Variants in STK38L observed in about 807,000 individuals in gnomAD.
STK38L encodes the protein serine/threonine kinase 38 like, also known as serine/threonine-protein kinase 38-like.
In STK38L, 28 loss-of-function variants were observed where a neutral mutation model predicts 59.7. The observed-to-expected ratio is 0.47, with a 90% CI of 0.35 to 0.64. STK38L has a LOEUF of 0.64. Ranked by LOEUF, STK38L falls within the 30% of genes least tolerant of loss-of-function variation. The probability of loss-of-function intolerance (pLI) is 0.01; values close to 1 mark genes in which losing one functional copy is unlikely to be tolerated. For synonymous variants in STK38L, 162 were observed against 176.8 expected (o/e 0.92, Z 0.66); for missense variants, 314 against 555.8 (o/e 0.56, Z 4.37).
chr12:27,275,871 T>C lies in STK38L; in HGVS notation c.-11-21839T>C, dbSNP rs144197837. Among the ~76,000 whole-genome samples the C allele has an allele frequency of 2.3e-3, 355 of 152,308 alleles. 1 individual carries two copies. The highest frequency in any genetic ancestry group is 8.0e-3 in the African/African-American group (334 of 41,560). On this transcript the variant is annotated intron_variant, in intron 1 of 13. Transcript: ENST00000389032. Reference sequence around the variant, plus strand: ...AGTTTTATAAATCCAATAATCATGATATGGCTAAAGGGAACATAGATATCT... The same window carrying C: ...AGTTTTATAAATCCAATAATCATGACATGGCTAAAGGGAACATAGATATCT...
intron 1 of STK38L, among the ~76,000 whole-genome samples, chr12:27,284,781 AGTAAGCTGTTCAG>A (rs1389003827): frequency 2.0e-5 from 3 of 152,214 alleles, no homozygotes; most frequent in Non-Finnish European, 4.4e-5. Flanking sequence ...TTGCTTAGGT[AGTAAGCTGTTCAG>A]GTATTAATGA....
Position 27,315,126 on chromosome 12 carries a change from GGTT to G in STK38L, c.775+16_775+18del, listed in dbSNP as rs1302227447. 1.9e-6 allele frequency: 3 copies of G among 1,611,086 alleles called. No homozygotes were observed. The highest frequency in any genetic ancestry group is 2.2e-5 in the East Asian group (1 of 44,766). On this transcript the variant is annotated intron_variant, in intron 8 of 13. Transcript: ENST00000389032. ...CCCACCAAGTGACTTCTGTAAGTTT[GGTT>G]GTTGTTTTTCTTCTTTCCCCTGGTT...
chr12:27,302,400 T>C (rs2136641208), intron 3 of STK38L: 1 of 363,838 alleles, frequency 2.7e-6, no homozygotes, highest in Non-Finnish European at 5.0e-6. Context: ...TAAGAGAACA[T>C]TGCCAAGTGT....
intron 11 of STK38L, among the ~76,000 whole-genome samples, chr12:27,318,745 ACT>A (rs1360304672): frequency 2.0e-5 from 3 of 152,150 alleles, no homozygotes; most frequent in African/African-American, 7.2e-5. Flanking sequence ...GAATCCCAAC[ACT>A]CTGGGAGGCC....
At chr12:27,279,763 T>C (rs1442804823) in intron 1 of STK38L, among the ~76,000 whole-genome samples, 3 of 151,890 alleles carry the variant, frequency 2.0e-5, no homozygotes, top group Admixed American at 2.0e-4. Flanking sequence ...TGGTTGTTTT[T>C]CCACACGGTT....
intron 1 of STK38L, among the ~76,000 whole-genome samples, chr12:27,279,856 T>C (rs558725739): frequency 6.6e-6 from 1 of 152,150 alleles, no homozygotes; most frequent in South Asian, 2.1e-4. Flanking sequence ...AAAGGGAAGC[T>C]TACACATTTA....
intron 3 of STK38L, among the ~76,000 whole-genome samples, chr12:27,305,137 G>T (rs536874014): frequency 6.6e-6 from 1 of 152,298 alleles, no homozygotes; most frequent in South Asian, 2.1e-4. Flanking sequence ...TGTGGCCAAG[G>T]CCCTGTTTTT....
chr12:27,253,116 C>T (rs1033380999), intron 1 of STK38L, among the ~76,000 whole-genome samples: 7 of 152,156 alleles, frequency 4.6e-5, no homozygotes, highest in Non-Finnish European at 7.3e-5. Context: ...GGACATGCCA[C>T]GCAGAGGGAT....
At chr12:27,290,210 CA>C (rs1282651515) in intron 1 of STK38L, among the ~76,000 whole-genome samples, 1 of 152,164 alleles carries the variant, frequency 6.6e-6, no homozygotes, top group Non-Finnish European at 1.5e-5. Flanking sequence ...AGCATGCACA[CA>C]AGGTGGCTAT....
chr12:27,271,980 A>G (rs563531150), intron 1 of STK38L, among the ~76,000 whole-genome samples: 4 of 152,308 alleles, frequency 2.6e-5, no homozygotes, highest in East Asian at 1.9e-4. Flanking sequence ...GATTATAGGC[A>G]TGAGCCACCG....
intron 1 of STK38L, among the ~76,000 whole-genome samples, chr12:27,260,529 C>CT (rs1185440770): frequency 3.9e-5 from 6 of 152,144 alleles, no homozygotes; most frequent in Admixed American, 2.6e-4. Context: ...TCTCTGAACT[C>CT]TTTCTTACCA....
chr12:27,278,256 GCTGTCA>G (rs1381071961), intron 1 of STK38L, among the ~76,000 whole-genome samples: 1 of 152,186 alleles, frequency 6.6e-6, no homozygotes, highest in Non-Finnish European at 1.5e-5. Flanking sequence ...CTTCTGAATA[GCTGTCA>G]CTAAATTTTG....
chr12:27,266,827 T>C (rs1266018201), intron 1 of STK38L, among the ~76,000 whole-genome samples: 1 of 152,220 alleles, frequency 6.6e-6, no homozygotes, highest in Admixed American at 6.5e-5. Context: ...TGTTAACTGC[T>C]GTGTAAAAAA....
At chr12:27,245,153 A>G (rs143910723) in intron 1 of STK38L, among the ~76,000 whole-genome samples, 28 of 152,288 alleles carry the variant, frequency 1.8e-4, no homozygotes, top group African/African-American at 6.0e-4. Context: ...TGGAGGAATG[A>G]TATAAAAAGA....
At chr12:27,282,887 A>G (rs996065956) in intron 1 of STK38L, among the ~76,000 whole-genome samples, 1 of 152,200 alleles carries the variant, frequency 6.6e-6, no homozygotes, top group Non-Finnish European at 1.5e-5. Context: ...GTTTAAGAGA[A>G]ACCAGGGTTC....
intron 1 of STK38L, among the ~76,000 whole-genome samples, chr12:27,282,830 T>C (rs1943689523): frequency 6.6e-6 from 1 of 152,228 alleles, no homozygotes; most frequent in Non-Finnish European, 1.5e-5. Context: ...TGGGCATTAG[T>C]TTAAAACTAT....
intron 1 of STK38L, among the ~76,000 whole-genome samples, chr12:27,285,020 T>G (rs1178085120): frequency 6.6e-6 from 1 of 152,216 alleles, no homozygotes; most frequent in Non-Finnish European, 1.5e-5. Context: ...AAAAAGTCTC[T>G]TGGGAGAGTT....
Position 27,315,128 on chromosome 12 carries a change from T to C in STK38L, c.775+11T>C. 6.2e-7 allele frequency: 1 copy of C among 1,610,226 alleles called. No homozygotes were observed. The highest frequency in any genetic ancestry group is 8.5e-7 in the Non-Finnish European group (1 of 1,177,130). ...CACCAAGTGACTTCTGTAAGTTTGG[T>C]TGTTGTTTTTCTTCTTTCCCCTGGT... On this transcript the variant is annotated intron_variant, in intron 8 of 13. Coordinates refer to ENST00000389032, the MANE Select transcript of STK38L (RefSeq NM_015000.4).
At chr12:27,270,273 T>A (rs1433236639) in intron 1 of STK38L, among the ~76,000 whole-genome samples, 1 of 152,174 alleles carries the variant, frequency 6.6e-6, no homozygotes, top group African/African-American at 2.4e-5. Context: ...AGTTATGTGA[T>A]CACGGCTCAC....
Sources: gnomAD v4.1 joint callset for allele counts (sites outside exome capture counted in the v4.1 genomes callset) on GRCh38, gnomAD v4.1.1 for gene constraint, MANE v1.5 for transcripts, NCBI Gene and HGNC (gene_info 2026-07-23, HGNC 2026-07-21) for gene names.